Variants in CFAP299 observed in about 807,000 individuals in gnomAD.
CFAP299 encodes the protein cilia- and flagella-associated protein 299.
In CFAP299, 21 loss-of-function variants were observed where a neutral mutation model predicts 27.0. The observed-to-expected ratio is 0.78, with a 90% confidence interval of 0.55 to 1.12. The LOEUF is 1.12. Among genes scored for constraint, CFAP299 ranks in the 50% most tolerant of loss-of-function variants. CFAP299 has a pLI of 0.00. For missense variants in CFAP299, 310 were observed against 276.6 expected (o/e 1.12, Z -0.86); for synonymous variants, 104 against 98.1 (o/e 1.06, Z -0.36).
At chr4:80,916,595 C>G (rs1472252145) in intron 4 of CFAP299, among the ~76,000 whole-genome samples, 6 of 151,916 alleles carry the variant, frequency 3.9e-5, no homozygotes. Flanking sequence ...TGATAGGAAA[C>G]TTGAACTATT....
chr4:80,464,809 T>C (rs1729626873), intron 2 of CFAP299, among the ~76,000 whole-genome samples: 1 of 152,116 alleles, frequency 6.6e-6, no homozygotes, highest in Admixed American at 6.6e-5. Context: ...TAAAAAAGTA[T>C]CTGGAATATT....
intron 2 of CFAP299, among the ~76,000 whole-genome samples, chr4:80,441,419 G>T (rs1448060585): frequency 6.6e-6 from 1 of 152,154 alleles, no homozygotes. Context: ...TTAAAGAAAA[G>T]AGTTTTCAAC....
intron 2 of CFAP299, among the ~76,000 whole-genome samples, chr4:80,489,415 CAG>C (rs1376401351): frequency 2.0e-5 from 3 of 152,108 alleles, no homozygotes; most frequent in African/African-American, 7.2e-5. Context: ...CATGGAAATT[CAG>C]AGAGTCTATT....
At chr4:80,479,784 C>T (rs1052341538) in intron 2 of CFAP299, among the ~76,000 whole-genome samples, 4 of 151,850 alleles carry the variant, frequency 2.6e-5, no homozygotes, top group Non-Finnish European at 5.9e-5. Flanking sequence ...AAACTTGTTT[C>T]GTTCAATAAA....
rs546802533 is a variant in CFAP299, at chr4:80,411,856, CA to C, written c.242+48973del. Among the ~76,000 whole-genome samples, 547 of 152,180 alleles carry C rather than the reference CA, an allele frequency of 3.6e-3. 1 individual carries two copies. The highest frequency in any genetic ancestry group is 0.013 in the Admixed American group (199 of 15,276). Reference sequence around the variant, plus strand: ...AGAGAACAGATATGTATTAATATAACAGTAATAATAAATAGCATTTATTGAA... The same window carrying C: ...AGAGAACAGATATGTATTAATATAACGTAATAATAAATAGCATTTATTGAA... On this transcript the variant is annotated intron_variant, in intron 2 of 5. Transcript: ENST00000358105.
At chr4:80,435,310 G>C (rs1474385959) in intron 2 of CFAP299, among the ~76,000 whole-genome samples, 1 of 152,186 alleles carries the variant, frequency 6.6e-6, no homozygotes, top group African/African-American at 2.4e-5. Flanking sequence ...TCCATCCAGA[G>C]AGGGGGTGAG....
At chr4:80,670,111 T>A (rs1354644171) in intron 3 of CFAP299, among the ~76,000 whole-genome samples, 1 of 152,072 alleles carries the variant, frequency 6.6e-6, no homozygotes, top group Non-Finnish European at 1.5e-5. Context: ...TTACATTAGG[T>A]ATTTCTCCTA....
chr4:80,474,525 G>T (rs1053241166), intron 2 of CFAP299, among the ~76,000 whole-genome samples: 9 of 152,086 alleles, frequency 5.9e-5, no homozygotes, highest in Admixed American at 2.6e-4. Flanking sequence ...ACTTTAAGAT[G>T]ATTTTCCACA....
intron 2 of CFAP299, among the ~76,000 whole-genome samples, chr4:80,500,098 G>T (rs1270321127): frequency 1.3e-5 from 2 of 152,034 alleles, no homozygotes; most frequent in African/African-American, 4.8e-5. Flanking sequence ...CCACAGTCTG[G>T]ATTGAACTCC....
intron 2 of CFAP299, among the ~76,000 whole-genome samples, chr4:80,525,668 A>G (rs368922681): frequency 2.0e-5 from 3 of 152,206 alleles, no homozygotes; most frequent in Middle Eastern, 3.4e-3. Flanking sequence ...ACCCTTGACT[A>G]TCTCAGCGCC....
chr4:80,807,817 A>C (rs1728942901), intron 3 of CFAP299, among the ~76,000 whole-genome samples: 1 of 152,130 alleles, frequency 6.6e-6, no homozygotes, highest in Non-Finnish European at 1.5e-5. Context: ...TCTGTTTATT[A>C]ATAATGTGTG....
intron 3 of CFAP299, among the ~76,000 whole-genome samples, chr4:80,826,422 A>C (rs1729990209): frequency 2.0e-5 from 3 of 151,784 alleles, no homozygotes; most frequent in Admixed American, 2.0e-4. Flanking sequence ...AGATTAAAAC[A>C]ATCAAAAAAG....
intron 3 of CFAP299, among the ~76,000 whole-genome samples, chr4:80,754,355 G>A (rs1372131200): frequency 2.0e-5 from 3 of 151,996 alleles, no homozygotes; most frequent in East Asian, 1.9e-4. Context: ...TTCCTCTACC[G>A]AGAGTAAGAC....
intron 2 of CFAP299, among the ~76,000 whole-genome samples, chr4:80,405,253 G>A (rs1055861871): frequency 7.9e-5 from 12 of 152,214 alleles, no homozygotes; most frequent in Non-Finnish European, 1.5e-4. Flanking sequence ...TCTTGCCTGT[G>A]GTAGTCTCAA....
upstream of CFAP299, among the ~76,000 whole-genome samples, chr4:80,335,006 G>A (rs115704047): frequency 0.024 from 3,610 of 152,300 alleles, 82 homozygotes; most frequent in African/African-American, 0.06. Context: ...GCCAGCTGTT[G>A]TGTTGGATTA....
chr4:80,913,979 T>C (rs934595850), intron 4 of CFAP299, among the ~76,000 whole-genome samples: 23 of 152,308 alleles, frequency 1.5e-4, no homozygotes, highest in African/African-American at 4.6e-4. Flanking sequence ...TTCTTTCCCA[T>C]AGACTAATGC....
At chr4:80,378,830 T>C (rs2110017025) in intron 2 of CFAP299, among the ~76,000 whole-genome samples, 1 of 152,238 alleles carries the variant, frequency 6.6e-6, no homozygotes, top group Non-Finnish European at 1.5e-5. Context: ...TGAGAATTTT[T>C]ACATCCACTT....
intron 4 of CFAP299, among the ~76,000 whole-genome samples, chr4:80,907,348 A>G (rs548285044): frequency 1.3e-5 from 2 of 152,276 alleles, no homozygotes; most frequent in South Asian, 2.1e-4. Context: ...TGAGCCCTCC[A>G]AACTGTTCCA....
At chr4:80,555,536 C>T (rs1249241833) in intron 2 of CFAP299, among the ~76,000 whole-genome samples, 1 of 152,014 alleles carries the variant, frequency 6.6e-6, no homozygotes, top group East Asian at 1.9e-4. Flanking sequence ...AGGAGTTTCT[C>T]CTTCTCAATT....
Sources: gnomAD v4.1 joint callset for allele counts (sites outside exome capture counted in the v4.1 genomes callset) on GRCh38, gnomAD v4.1.1 for gene constraint, MANE v1.5 for transcripts, NCBI Gene and HGNC (gene_info 2026-07-23, HGNC 2026-07-21) for gene names.